Variants in GREB1L observed in about 807,000 individuals in gnomAD.
GREB1L encodes the protein GREB1 like retinoic acid receptor coactivator.
A neutral mutation model predicts 200.8 loss-of-function variants in GREB1L; 17 were observed. That is an observed-to-expected ratio of 0.08 (90% CI 0.06 to 0.13). GREB1L has a LOEUF of 0.13. GREB1L is among the 10% of genes least tolerant of loss of function. The pLI is 1.00. For synonymous variants in GREB1L, 789 were observed against 893.0 expected, an observed-to-expected ratio of 0.88 and a Z score of 2.08; for missense variants, 1,657 against 2,367.7, an observed-to-expected ratio of 0.70 and a Z score of 6.23.
chr18:21,276,883 C>T (rs1277007188), intron 1 of GREB1L, among the ~76,000 whole-genome samples: 1 of 149,582 alleles, frequency 6.7e-6, no homozygotes, highest in Non-Finnish European at 1.5e-5. Context: ...CATTTCTCAC[C>T]AATTGTCCTA....
Position 21,395,523 on chromosome 18 carries a change from G to T in GREB1L, c.494G>T (p.Arg165Leu). Residue 165 changes from arginine to leucine, a missense_variant, in exon 5 of 33, where the codon CGA becomes CTA. Transcript: ENST00000424526. ...EHILVCAVDK[R>L]FLPDDHGKNA... The stretch of plus-strand genomic sequence containing the variant: ...ATCCTAGTTTGTGCTGTGGACAAGC[G>T]ATTTCTACCAGATGATCATGGAAAA... The T allele has an allele frequency of 6.5e-7, 1 of 1,550,218 alleles. No individual in the cohort carries two copies. Among genetic ancestry groups the T allele is most frequent in the African/African-American group, 1.4e-5 (1 of 73,008 alleles).
In GREB1L at chr18:21,293,443, T is replaced by G. The variant is rs1442952317; in HGVS notation, c.-120+51050T>G. ...GTGTTACCTGATTTAAAAAAATTAT[T>G]TAATGGTCTTCTGGTACAATATGAA... On this transcript the variant is annotated intron_variant, in intron 1 of 32. Transcript: ENST00000424526. Among the ~76,000 whole-genome samples, 6 of 152,196 alleles carry G rather than the reference T, an allele frequency of 3.9e-5. 1 individual carries two copies. The highest frequency in any genetic ancestry group is 2.0e-4 in the Admixed American group (3 of 15,284).
chr18:21,287,630 TG>T (rs2038378892), intron 1 of GREB1L, among the ~76,000 whole-genome samples: 1 of 152,138 alleles, frequency 6.6e-6, no homozygotes, highest in African/African-American at 2.4e-5. Flanking sequence ...TGAATATATT[TG>T]TGTACCAAGC....
chr18:21,255,101 G>A (rs2037780915), intron 1 of GREB1L, among the ~76,000 whole-genome samples: 2 of 152,244 alleles, frequency 1.3e-5, no homozygotes, highest in Middle Eastern at 6.8e-3. Flanking sequence ...AGCAGTGTGT[G>A]CTATAAAATT....
At chr18:21,493,560 A>G (rs934114645) in intron 19 of GREB1L, among the ~76,000 whole-genome samples, 1 of 152,088 alleles carries the variant, frequency 6.6e-6, no homozygotes. Flanking sequence ...TTGACTACTA[A>G]TCTGAAAATA....
chr18:21,344,716 A>C (rs1309916241), intron 1 of GREB1L, among the ~76,000 whole-genome samples: 1 of 152,360 alleles, frequency 6.6e-6, no homozygotes, highest in East Asian at 1.9e-4. Flanking sequence ...TTCGTAGGCC[A>C]GGTGTTTAAT....
intron 1 of GREB1L, among the ~76,000 whole-genome samples, chr18:21,312,743 G>A (rs1380157487): frequency 2.0e-5 from 3 of 151,922 alleles, no homozygotes; most frequent in African/African-American, 7.3e-5. Context: ...CAATAGAGAT[G>A]GGGTTTCACC....
At chr18:21,354,450 G>T (rs1166047468) in intron 1 of GREB1L, among the ~76,000 whole-genome samples, 1 of 152,162 alleles carries the variant, frequency 6.6e-6, no homozygotes, top group Non-Finnish European at 1.5e-5. Flanking sequence ...TAAAAAAATA[G>T]TTTGAGTGCC....
intron 2 of GREB1L, among the ~76,000 whole-genome samples, chr18:21,381,069 C>T (rs553137449): frequency 1.3e-5 from 2 of 152,144 alleles, no homozygotes; most frequent in Non-Finnish European, 2.9e-5. Context: ...AGTGAAACAC[C>T]GTCTCTACTA....
At chr18:21,430,211 G>A (rs1322434565) in intron 7 of GREB1L, among the ~76,000 whole-genome samples, 1 of 152,096 alleles carries the variant, frequency 6.6e-6, no homozygotes, top group Non-Finnish European at 1.5e-5. Flanking sequence ...CATATGGATT[G>A]CGGGGAGACA....
At chr18:21,270,216 A>G (rs532437106) in intron 1 of GREB1L, among the ~76,000 whole-genome samples, 1 of 152,358 alleles carries the variant, frequency 6.6e-6, no homozygotes, top group East Asian at 1.9e-4. Context: ...CTTGTTCAAC[A>G]AAGTGAAAAA....
At chr18:21,322,938 T>G (rs1272389913) in intron 1 of GREB1L, among the ~76,000 whole-genome samples, 4 of 152,122 alleles carry the variant, frequency 2.6e-5, no homozygotes, top group African/African-American at 9.7e-5. Context: ...TTCTTAATCT[T>G]AGGACTTTTT....
chr18:21,310,007 G>T (rs551212546), intron 1 of GREB1L, among the ~76,000 whole-genome samples: 14 of 152,288 alleles, frequency 9.2e-5, no homozygotes, highest in African/African-American at 3.4e-4. Flanking sequence ...AGAACTTTCT[G>T]TGATGATAAA....
chr18:21,262,993 T>A (rs943605562), intron 1 of GREB1L, among the ~76,000 whole-genome samples: 1 of 152,172 alleles, frequency 6.6e-6, no homozygotes, highest in African/African-American at 2.4e-5. Context: ...ACAAATTACA[T>A]GGTGTTGAGG....
At chr18:21,467,469 A>C (rs748209433) in intron 15 of GREB1L, among the ~76,000 whole-genome samples, 2 of 152,196 alleles carry the variant, frequency 1.3e-5, no homozygotes, top group Admixed American at 1.3e-4. Context: ...AGATACATGA[A>C]TGGCCAATGA....
At chr18:21,315,668 C>CACAG (rs2038856078) in intron 1 of GREB1L, among the ~76,000 whole-genome samples, 2 of 152,084 alleles carry the variant, frequency 1.3e-5, no homozygotes, top group Admixed American at 1.3e-4. Flanking sequence ...GGGAGGCCTA[C>CACAG]TAATATATGT....
At chr18:21,290,350 T>A (rs1344879290) in intron 1 of GREB1L, among the ~76,000 whole-genome samples, 1 of 152,186 alleles carries the variant, frequency 6.6e-6, no homozygotes, top group Non-Finnish European at 1.5e-5. Flanking sequence ...AATGGATGAG[T>A]CATCTTTTTA....
chr18:21,425,845 T>A (rs917198114), intron 7 of GREB1L, among the ~76,000 whole-genome samples: 1 of 152,204 alleles, frequency 6.6e-6, no homozygotes, highest in Non-Finnish European at 1.5e-5. Context: ...TGTCTTTTAC[T>A]TTCTTGATGG....
chr18:21,458,735 G>C (rs1474620232), intron 15 of GREB1L, among the ~76,000 whole-genome samples: 2 of 152,102 alleles, frequency 1.3e-5, no homozygotes, highest in Non-Finnish European at 2.9e-5. Context: ...GAAATGGAGC[G>C]GGTTTAACAT....
Sources: gnomAD v4.1 joint callset for allele counts (sites outside exome capture counted in the v4.1 genomes callset) on GRCh38, gnomAD v4.1.1 for gene constraint, MANE v1.5 for transcripts, NCBI Gene and HGNC (gene_info 2026-07-23, HGNC 2026-07-21) for gene names.